The following ARHGEF28 variants were observed in gnomAD, a reference collection of about 807,000 sequenced individuals.
The protein encoded by ARHGEF28 is Rho guanine nucleotide exchange factor 28.
A neutral mutation model predicts 206.6 loss-of-function variants in ARHGEF28; 152 were observed. That is an observed-to-expected ratio of 0.74 (90% CI 0.64 to 0.84). ARHGEF28 has a LOEUF of 0.84. ARHGEF28 is among the 40% of genes least tolerant of loss of function. The probability of loss-of-function intolerance (pLI) is 0.00; values close to 1 mark genes in which losing one functional copy is unlikely to be tolerated. For synonymous variants in ARHGEF28, 763 were observed against 776.4 expected (o/e 0.98, Z 0.29); for missense variants, 2,028 against 2,073.2 (o/e 0.98, Z 0.42).
chr5:73,727,570 A>C (rs1031161074), intron 2 of ARHGEF28, among the ~76,000 whole-genome samples: 3 of 152,186 alleles, frequency 2.0e-5, no homozygotes. Context: ...ATAATTTTTA[A>C]CTGTGGCCTA....
chr5:73,789,876 C>T (rs1413016447), intron 7 of ARHGEF28, among the ~76,000 whole-genome samples: 2 of 152,086 alleles, frequency 1.3e-5, no homozygotes, highest in Non-Finnish European at 2.9e-5. Flanking sequence ...TGCTAGCAAG[C>T]CTGCCCAACC....
At chr5:73,925,612 C>T (rs1354406478) in intron 35 of ARHGEF28, among the ~76,000 whole-genome samples, 2 of 152,224 alleles carry the variant, frequency 1.3e-5, no homozygotes, top group African/African-American at 4.8e-5. Flanking sequence ...CCATATGCCC[C>T]TTTCCAGTCA....
chr5:73,819,773 T>TC (rs1226857216), intron 9 of ARHGEF28, among the ~76,000 whole-genome samples: 1 of 152,162 alleles, frequency 6.6e-6, no homozygotes, highest in Non-Finnish European at 1.5e-5. Flanking sequence ...TACATCTCCC[T>TC]CCCTCCCTCT....
At chr5:73,632,608 C>T (rs1743438408) in intron 1 of ARHGEF28, among the ~76,000 whole-genome samples, 1 of 152,040 alleles carries the variant, frequency 6.6e-6, no homozygotes, top group Non-Finnish European at 1.5e-5. Flanking sequence ...TAGCCTCTAA[C>T]ATTTAAAAAA....
chr5:73,667,535 A>G (rs1746031876), intron 1 of ARHGEF28, among the ~76,000 whole-genome samples: 1 of 152,224 alleles, frequency 6.6e-6, no homozygotes, highest in African/African-American at 2.4e-5. Context: ...CCAAAGTGCC[A>G]TCAGGGTCAT....
chr5:73,663,743 TGTTA>T lies in ARHGEF28; in HGVS notation c.-11-21094_-11-21091del, dbSNP rs1203721487. On this transcript the variant is annotated intron_variant, in intron 1 of 35. Coordinates refer to ENST00000513042, the MANE Select transcript of ARHGEF28 (RefSeq NM_001177693.2). ...AGGACGATTTTTAAAAATAAATATT[TGTTA>T]GTTGAAGATTTCTTTGTAACTCATT... Among the ~76,000 whole-genome samples, 13 of 152,356 alleles carry T rather than the reference TGTTA, an allele frequency of 8.5e-5. 1 individual carries two copies. The South Asian group carries it at 2.7e-3, about 32-fold the overall frequency.
Position 73,824,759 on chromosome 5 carries a change from C to T in ARHGEF28, c.1025-7579C>T, listed in dbSNP as rs148761135. ...CTGGGATTATAGGTGTGAGCCACTGCGCCAGACCTGAAGATGTTTTTTTAA... is the reference window on the plus strand; with the variant it reads ...CTGGGATTATAGGTGTGAGCCACTGTGCCAGACCTGAAGATGTTTTTTTAA... On this transcript the variant is annotated intron_variant, in intron 9 of 35. Transcript: ENST00000513042. Among the ~76,000 whole-genome samples the T allele has an allele frequency of 1.2e-3, 178 of 145,176 alleles. 4 individuals are homozygous for T. In the East Asian group the frequency reaches 0.033, roughly 27 times the overall value.
At chr5:73,824,007 T>G (rs549724866) in intron 9 of ARHGEF28, among the ~76,000 whole-genome samples, 1 of 152,228 alleles carries the variant, frequency 6.6e-6, no homozygotes, top group Non-Finnish European at 1.5e-5. Flanking sequence ...TCTGGTATAA[T>G]TACCCAGTGT....
chr5:73,717,753 C>A (rs978707388), intron 2 of ARHGEF28, among the ~76,000 whole-genome samples: 1 of 152,066 alleles, frequency 6.6e-6, no homozygotes, highest in Non-Finnish European at 1.5e-5. Context: ...AGTGTATAAG[C>A]CTTTGAAAGA....
At chr5:73,746,943 A>G (rs1454902244) in intron 2 of ARHGEF28, among the ~76,000 whole-genome samples, 4 of 152,172 alleles carry the variant, frequency 2.6e-5, no homozygotes, top group Non-Finnish European at 5.9e-5. Flanking sequence ...TTACTCCTCC[A>G]GATGAACTTT....
chr5:73,815,775 A>G (rs1756166599), intron 9 of ARHGEF28, among the ~76,000 whole-genome samples: 1 of 152,228 alleles, frequency 6.6e-6, no homozygotes, highest in Admixed American at 6.5e-5. Context: ...GCTGCAACAG[A>G]AAGTCATAGC....
intron 35 of ARHGEF28, among the ~76,000 whole-genome samples, chr5:73,926,630 C>T (rs193041751): frequency 6.6e-6 from 1 of 152,326 alleles, no homozygotes; most frequent in East Asian, 1.9e-4. Flanking sequence ...CATGCAGCCA[C>T]AGCCATCTCT....
chr5:73,766,173 A>G (rs1752889369), intron 4 of ARHGEF28, among the ~76,000 whole-genome samples: 1 of 151,968 alleles, frequency 6.6e-6, no homozygotes, highest in South Asian at 2.1e-4. Context: ...AAAACAAAAA[A>G]CAAAAAACAA....
At chr5:73,685,260 T>C (rs1747387520) in intron 2 of ARHGEF28, among the ~76,000 whole-genome samples, 1 of 152,098 alleles carries the variant, frequency 6.6e-6, no homozygotes, top group South Asian at 2.1e-4. Context: ...CAGCTAAAAG[T>C]ATGAAATAAG....
intron 4 of ARHGEF28, 115 bp downstream of exon 4, chr5:73,753,317 C>A (rs746778647): frequency 1.2e-4 from 143 of 1,171,504 alleles, no homozygotes; most frequent in Non-Finnish European, 1.5e-4. Flanking sequence ...TTTACCTGAA[C>A]CTTGCTCTGA....
rs79391401 is a variant in ARHGEF28, at chr5:73,773,755, C to T, written c.476-100C>T. On this transcript the variant is annotated intron_variant, in intron 4 of 35. Transcript: ENST00000513042. ...CATTGTTAATTTCTTCCAACTCTGA[C>T]ATTCTTATTATGTCTAAATACACTG... is the stretch of plus-strand genomic sequence containing the variant. 93,651 of 1,144,480 alleles carry T rather than the reference C, an allele frequency of 0.082. 4,627 individuals carry two copies. The highest frequency in any genetic ancestry group is 0.094 in the Non-Finnish European group (79,050 of 841,530). 70.9% of individuals were successfully genotyped at this position (1,144,480 alleles called of 1,614,324 possible).
At position 73,771,260 on chromosome 5, in the gene ARHGEF28, G is replaced by A. The variant is rs147139272; in HGVS notation, c.476-2595G>A. ...GAGATATGTCTTAGAAATTCCATCC[G>A]GGCTGGGTGCGGTGGCTCATGCCTG... On this transcript the variant is annotated intron_variant, in intron 4 of 35. Coordinates refer to ENST00000513042, the MANE Select transcript of ARHGEF28 (RefSeq NM_001177693.2). 1.3e-4 allele frequency among the ~76,000 whole-genome samples: 20 copies of A among 152,138 alleles called. No individual in the cohort carries two copies. In the South Asian group the frequency reaches 2.3e-3, roughly 17 times the overall value.
intron 35 of ARHGEF28, among the ~76,000 whole-genome samples, chr5:73,924,698 A>T (rs1158231371): frequency 3.3e-5 from 5 of 152,146 alleles, no homozygotes; most frequent in Admixed American, 2.6e-4. Context: ...AGTATTAGGT[A>T]TTATATAAGA....
chr5:73,701,407 T>A (rs1182841269), intron 2 of ARHGEF28, among the ~76,000 whole-genome samples: 1 of 152,096 alleles, frequency 6.6e-6, no homozygotes, highest in Non-Finnish European at 1.5e-5. Flanking sequence ...TCAGTGAGAT[T>A]TCTATTGGTA....
Sources: gnomAD v4.1 joint callset for allele counts (sites outside exome capture counted in the v4.1 genomes callset) on GRCh38, gnomAD v4.1.1 for gene constraint, MANE v1.5 for transcripts, NCBI Gene and HGNC (gene_info 2026-07-23, HGNC 2026-07-21) for gene names.